Variants in FGGY observed in about 807,000 individuals in gnomAD.
The protein encoded by FGGY is FGGY carbohydrate kinase domain containing, also known as FGGY carbohydrate kinase domain-containing protein.
In FGGY, 72 loss-of-function variants were observed where a neutral mutation model predicts 71.3. The ratio of observed to expected loss-of-function variants is 1.01; its 90% confidence interval spans 0.84 to 1.23. FGGY has a LOEUF of 1.23. Ranked by LOEUF, FGGY falls within the 50% of genes most tolerant of loss-of-function variation. FGGY has a pLI of 0.00. For synonymous variants in FGGY, 251 were observed against 250.3 expected (o/e 1.00, Z -0.02); for missense variants, 668 against 682.3 (o/e 0.98, Z 0.23).
rs4561070 is a variant in FGGY at position 59,735,007 on chromosome 1, G to A, written c.1513-22924G>A. Among the ~76,000 whole-genome samples the A allele has an allele frequency of 6.1e-3, 927 of 152,308 alleles. 42 individuals carry two copies. The South Asian group carries it at 0.084, about 14-fold the overall frequency. On this transcript the variant is annotated intron_variant, in intron 14 of 15. Transcript: ENST00000303721. ...TTCCAAGGTTATTAAACACAACCTTGCCTCATCTATCTGGTCATATCCAAA... is the reference window on the plus strand; with the variant it reads ...TTCCAAGGTTATTAAACACAACCTTACCTCATCTATCTGGTCATATCCAAA...
At chr1:59,709,150 G>A (rs2154025540) in intron 14 of FGGY, among the ~76,000 whole-genome samples, 1 of 152,252 alleles carries the variant, frequency 6.6e-6, no homozygotes, top group East Asian at 1.9e-4. Context: ...ACCTGAGACT[G>A]GGTAGTTTAT....
At chr1:59,685,270 C>A (rs1454912254) in intron 14 of FGGY, among the ~76,000 whole-genome samples, 1 of 152,040 alleles carries the variant, frequency 6.6e-6, no homozygotes, top group Non-Finnish European at 1.5e-5. Context: ...GCAGAGCCTA[C>A]AGCTGTGGTG....
At chr1:59,748,877 C>G (rs1403770193) in intron 14 of FGGY, among the ~76,000 whole-genome samples, 5 of 152,104 alleles carry the variant, frequency 3.3e-5, no homozygotes, top group African/African-American at 1.2e-4. Flanking sequence ...AGGATGGGGG[C>G]TGGTCACCAG....
At chr1:59,691,122 T>G (rs2097583442) in intron 14 of FGGY, among the ~76,000 whole-genome samples, 1 of 152,204 alleles carries the variant, frequency 6.6e-6, no homozygotes, top group African/African-American at 2.4e-5. Flanking sequence ...GTCTCTGGCT[T>G]ATCCATCACA....
intron 14 of FGGY, among the ~76,000 whole-genome samples, chr1:59,681,808 A>G (rs1448911451): frequency 1.3e-5 from 2 of 150,708 alleles, no homozygotes; most frequent in Non-Finnish European, 3.0e-5. Context: ...ACACACATGC[A>G]CACACACACA....
chr1:59,486,783 A>C (rs538503139), intron 6 of FGGY, among the ~76,000 whole-genome samples: 2 of 152,188 alleles, frequency 1.3e-5, no homozygotes, highest in Non-Finnish European at 1.5e-5. Context: ...AAAATGGAGG[A>C]TATGGTTCCA....
At chr1:59,455,335 T>G (rs1313620504) in intron 5 of FGGY, among the ~76,000 whole-genome samples, 1 of 152,164 alleles carries the variant, frequency 6.6e-6, no homozygotes, top group Non-Finnish European at 1.5e-5. Flanking sequence ...AAGAGTTAGA[T>G]GCATAATGGG....
At chr1:59,302,522 A>G (rs1006631770) in intron 1 of FGGY, among the ~76,000 whole-genome samples, 1 of 152,162 alleles carries the variant, frequency 6.6e-6, no homozygotes, top group Non-Finnish European at 1.5e-5. Context: ...GCATGGATGG[A>G]GCAAGCTGGA....
chr1:59,687,506 G>A (rs1237632912), intron 14 of FGGY, among the ~76,000 whole-genome samples: 9 of 150,862 alleles, frequency 6.0e-5, no homozygotes, highest in South Asian at 4.2e-4. Flanking sequence ...TCACTCTGTC[G>A]CCCAGGCTGG....
rs57074120 is a variant in FGGY, at chr1:59,753,467, AATATATATATATATAT to A, written c.1513-4433_1513-4418del. ...GACTGTCTTTATAAGCATAACTTTA[AATATATATATATATAT>A]ATATATATATATATATATATATATA... On this transcript the variant is annotated intron_variant, in intron 14 of 15. Transcript: ENST00000303721. Among the ~76,000 whole-genome samples the A allele has an allele frequency of 4.8e-3, 230 of 47,856 alleles. 4 individuals are homozygous for A. The highest frequency in any genetic ancestry group is 0.011 in the African/African-American group (143 of 12,708). 31.4% of individuals were successfully genotyped at this position (47,856 alleles called of 152,430 possible). A position where few individuals can be genotyped will look rare whatever the true frequency, so the allele number is the denominator to read the frequency against.
intron 7 of FGGY, among the ~76,000 whole-genome samples, chr1:59,548,856 T>G (rs1183170267): frequency 1.3e-5 from 2 of 152,188 alleles, no homozygotes; most frequent in Non-Finnish European, 2.9e-5. Context: ...TACACCTATA[T>G]TAACATATAT....
At position 59,300,009 on chromosome 1, in the gene FGGY, TGAAGA is replaced by T. The variant is rs144328893; in HGVS notation, c.-15+2863_-15+2867del. On this transcript the variant is annotated intron_variant, in intron 1 of 15. Transcript: ENST00000303721. ...TGAACATACTGACATATTGATTCTT[TGAAGA>T]GAAATTTAGAGCTCATATCTAATGG... is the stretch of plus-strand genomic sequence containing the variant. Among the ~76,000 whole-genome samples the T allele has an allele frequency of 3.5e-3, 533 of 152,298 alleles. 6 individuals carry two copies. The highest frequency in any genetic ancestry group is 0.012 in the African/African-American group (518 of 41,566).
At chr1:59,595,900 G>A (rs1281961944) in intron 8 of FGGY, among the ~76,000 whole-genome samples, 2 of 151,990 alleles carry the variant, frequency 1.3e-5, no homozygotes, top group African/African-American at 2.4e-5. Context: ...GCTTCACATC[G>A]AAGGCATTTT....
chr1:59,495,166 AT>A (rs1191340494), intron 6 of FGGY, among the ~76,000 whole-genome samples: 5 of 151,908 alleles, frequency 3.3e-5, no homozygotes, highest in Non-Finnish European at 7.4e-5. Context: ...TTATTTCCCC[AT>A]TTTTTAATGG....
intron 14 of FGGY, among the ~76,000 whole-genome samples, chr1:59,706,546 T>C (rs1414142908): frequency 6.6e-6 from 1 of 152,216 alleles, no homozygotes; most frequent in East Asian, 1.9e-4. Context: ...CAAGCTCAGC[T>C]CTCTAATTTG....
intron 14 of FGGY, among the ~76,000 whole-genome samples, chr1:59,694,626 T>C (rs2097639199): frequency 6.6e-6 from 1 of 151,832 alleles, no homozygotes; most frequent in Non-Finnish European, 1.5e-5. Flanking sequence ...CTTCGATATA[T>C]TAAAAAGTAT....
At chr1:59,313,660 C>T (rs1280708771) in intron 1 of FGGY, among the ~76,000 whole-genome samples, 1 of 152,138 alleles carries the variant, frequency 6.6e-6, no homozygotes, top group Non-Finnish European at 1.5e-5. Context: ...TCTCAGCAAC[C>T]TGGATGGGAC....
rs531839343 is a variant in FGGY at position 59,493,142 on chromosome 1, T to C, written c.671-19169T>C. Among the ~76,000 whole-genome samples, 5 of 89,076 alleles carry C rather than the reference T, an allele frequency of 5.6e-5. No homozygotes were observed. In the South Asian group the frequency reaches 1.9e-3, roughly 34 times the overall value. 58.4% of individuals were successfully genotyped at this position (89,076 alleles called of 152,430 possible). A position where few individuals can be genotyped will look rare whatever the true frequency, so the allele number is the denominator to read the frequency against. ...ACACACACACACACAAAACAGAAAG[T>C]AAGTGTTGGTGAAGATGTGGAGAAA... On this transcript the variant is annotated intron_variant, in intron 6 of 15. Coordinates refer to ENST00000303721, the MANE Select transcript of FGGY (RefSeq NM_018291.5).
rs184349271 is a variant in FGGY, at chr1:59,536,873, A to G, written c.800-17251A>G. On this transcript the variant is annotated intron_variant, in intron 7 of 15. Coordinates refer to ENST00000303721, the MANE Select transcript of FGGY (RefSeq NM_018291.5). ...AAAATAATAAGAGCTATTTATGACA[A>G]ACCCACAGCCAATATCATACTGAAT... Among the ~76,000 whole-genome samples, 244 of 152,242 alleles carry G rather than the reference A, an allele frequency of 1.6e-3. 5 individuals carry two copies. In the East Asian group the frequency reaches 0.035, roughly 22 times the overall value.
Sources: gnomAD v4.1 joint callset for allele counts (sites outside exome capture counted in the v4.1 genomes callset) on GRCh38, gnomAD v4.1.1 for gene constraint, MANE v1.5 for transcripts, NCBI Gene and HGNC (gene_info 2026-07-23, HGNC 2026-07-21) for gene names.